Variants in CNTNAP2 observed in about 807,000 individuals in gnomAD.
CNTNAP2 encodes contactin associated protein 2.
In CNTNAP2, 98 loss-of-function variants were observed where a neutral mutation model predicts 155.2. The observed-to-expected ratio is 0.63, with a 90% confidence interval of 0.54 to 0.75. The LOEUF (loss-of-function observed/expected upper bound fraction) is 0.75. Among genes scored for constraint, CNTNAP2 ranks in the 30% least tolerant of loss-of-function variants. The pLI is 0.00. For missense variants in CNTNAP2, 1,727 were observed against 1,688.1 expected (o/e 1.02, Z -0.40); for synonymous variants, 651 against 631.2 (o/e 1.03, Z -0.47).
rs932967440 is a variant in CNTNAP2, at chr7:146,581,046, G to T, written c.98-193225G>T. On this transcript the variant is annotated intron_variant, in intron 1 of 23. Coordinates refer to ENST00000361727, the MANE Select transcript of CNTNAP2 (RefSeq NM_014141.6). Reference sequence around the variant, plus strand: ...ACAATATGACTGAATCATGATGAAGGCTAAAATTCTGGGTCTTAAGCAACT... The same window carrying T: ...ACAATATGACTGAATCATGATGAAGTCTAAAATTCTGGGTCTTAAGCAACT... Among the ~76,000 whole-genome samples, 3 of 152,058 alleles carry T rather than the reference G, an allele frequency of 2.0e-5. No individual in the cohort carries two copies. In the East Asian group the frequency reaches 5.8e-4, roughly 29 times the overall value.
intron 3 of CNTNAP2, among the ~76,000 whole-genome samples, chr7:146,982,719 C>G (rs895380741): frequency 6.6e-6 from 1 of 152,010 alleles, no homozygotes; most frequent in African/African-American, 2.4e-5. Context: ...TGATCAGACT[C>G]AGTGTTTCAT....
Position 147,180,108 on chromosome 7 carries a change from A to G in CNTNAP2, c.1348+47599A>G, listed in dbSNP as rs115104175. Among the ~76,000 whole-genome samples the G allele has an allele frequency of 3.2e-3, 493 of 152,258 alleles. 6 individuals are homozygous for G. The highest frequency in any genetic ancestry group is 0.011 in the African/African-American group (444 of 41,540). On this transcript the variant is annotated intron_variant, in intron 8 of 23. Coordinates refer to ENST00000361727, the MANE Select transcript of CNTNAP2 (RefSeq NM_014141.6). ...TGAAAGAGGGAGGCAGGTGCCATGG[A>G]CTAAGGGACCAGGAAGGTGCACACA...
At chr7:147,851,571 A>T (rs527619268) in intron 13 of CNTNAP2, among the ~76,000 whole-genome samples, 3 of 151,876 alleles carry the variant, frequency 2.0e-5, no homozygotes, top group Admixed American at 1.3e-4. Flanking sequence ...GCACATATAC[A>T]CCATGGAATA....
At chr7:147,559,178 A>G (rs1800011647) in intron 11 of CNTNAP2, among the ~76,000 whole-genome samples, 1 of 152,184 alleles carries the variant, frequency 6.6e-6, no homozygotes, top group Non-Finnish European at 1.5e-5. Context: ...GCCCGGCCTA[A>G]TTGTTAACTC....
chr7:146,241,566 T>C (rs776296389), intron 1 of CNTNAP2, among the ~76,000 whole-genome samples: 15 of 152,250 alleles, frequency 9.9e-5, no homozygotes, highest in Middle Eastern at 3.4e-3. Context: ...GCAAGACTTA[T>C]AATAACTCAT....
chr7:146,979,626 T>C (rs563889817), intron 3 of CNTNAP2, among the ~76,000 whole-genome samples: 3 of 152,318 alleles, frequency 2.0e-5, no homozygotes, highest in East Asian at 1.9e-4. Context: ...CAATCCTGTA[T>C]CTCCAACACT....
At chr7:147,050,266 A>T (rs558656430) in intron 4 of CNTNAP2, among the ~76,000 whole-genome samples, 23 of 152,220 alleles carry the variant, frequency 1.5e-4, no homozygotes, top group South Asian at 8.3e-4. Context: ...TCAAAAAATC[A>T]TTTATGGCTG....
At chr7:147,658,792 C>T (rs1342077434) in intron 13 of CNTNAP2, among the ~76,000 whole-genome samples, 1 of 152,190 alleles carries the variant, frequency 6.6e-6, no homozygotes, top group Non-Finnish European at 1.5e-5. Context: ...GCTTTCCCCT[C>T]CAGCTTCCCA....
chr7:146,567,296 T>C (rs905019836), intron 1 of CNTNAP2, among the ~76,000 whole-genome samples: 1 of 152,168 alleles, frequency 6.6e-6, no homozygotes, highest in Non-Finnish European at 1.5e-5. Flanking sequence ...ATATATGTTG[T>C]CCCTTTTTTT....
chr7:148,248,253 C>T (rs114348383), intron 20 of CNTNAP2, among the ~76,000 whole-genome samples: 25 of 151,444 alleles, frequency 1.7e-4, no homozygotes, highest in African/African-American at 5.6e-4. Context: ...GGCTGGAGTG[C>T]AATGGCACAG....
intron 10 of CNTNAP2, among the ~76,000 whole-genome samples, chr7:147,405,897 A>G (rs959732875): frequency 2.0e-5 from 3 of 152,152 alleles, no homozygotes; most frequent in African/African-American, 7.2e-5. Flanking sequence ...AGGCCGGTGG[A>G]TTGAACTACA....
intron 1 of CNTNAP2, among the ~76,000 whole-genome samples, chr7:146,118,869 A>G (rs1001814198): frequency 6.6e-6 from 1 of 152,074 alleles, no homozygotes; most frequent in Non-Finnish European, 1.5e-5. Flanking sequence ...AAAATGTGTA[A>G]TGGCTTAATT....
At chr7:146,870,853 T>C (rs1209374284) in intron 3 of CNTNAP2, among the ~76,000 whole-genome samples, 1 of 152,204 alleles carries the variant, frequency 6.6e-6, no homozygotes, top group Non-Finnish European at 1.5e-5. Context: ...TATAACTTTC[T>C]AAACAATTTA....
At position 147,529,774 on chromosome 7, in the gene CNTNAP2, T is replaced by C. The variant is rs746988480; in HGVS notation, c.1778-32364T>C. Among the ~76,000 whole-genome samples the C allele has an allele frequency of 2.6e-5, 4 of 152,312 alleles. No homozygotes were observed. The South Asian group carries it at 6.2e-4, about 24-fold the overall frequency. On this transcript the variant is annotated intron_variant, in intron 11 of 23. Coordinates refer to ENST00000361727, the MANE Select transcript of CNTNAP2 (RefSeq NM_014141.6). ...ATCATTAGAGATTTCAAAGGGGATA[T>C]GCATTTATCGCTATCAACAGAGCCG...
At chr7:146,219,367 T>TA (rs761105973) in intron 1 of CNTNAP2, among the ~76,000 whole-genome samples, 2 of 152,200 alleles carry the variant, frequency 1.3e-5, no homozygotes, top group Non-Finnish European at 2.9e-5. Context: ...ATTAATAACA[T>TA]AAAAATCTTT....
intron 8 of CNTNAP2, among the ~76,000 whole-genome samples, chr7:147,219,683 C>A (rs1803350092): frequency 6.6e-6 from 1 of 152,176 alleles, no homozygotes; most frequent in Non-Finnish European, 1.5e-5. Flanking sequence ...ATTTTGCATC[C>A]TTTAATCCAA....
At chr7:147,289,327 C>G (rs1024952052) in intron 8 of CNTNAP2, among the ~76,000 whole-genome samples, 1 of 151,930 alleles carries the variant, frequency 6.6e-6, no homozygotes, top group East Asian at 1.9e-4. Context: ...TGAATTAGAA[C>G]CCTCCTTGAA....
intron 3 of CNTNAP2, among the ~76,000 whole-genome samples, chr7:146,928,069 C>T (rs1250738209): frequency 6.6e-6 from 1 of 151,626 alleles, no homozygotes; most frequent in Non-Finnish European, 1.5e-5. Context: ...TTCTTCACTG[C>T]CTGGGCTGGC....
intron 1 of CNTNAP2, among the ~76,000 whole-genome samples, chr7:146,177,717 T>C (rs945198282): frequency 4.6e-5 from 7 of 152,224 alleles, no homozygotes; most frequent in African/African-American, 1.7e-4. Flanking sequence ...ATTCTATCTG[T>C]AACACAAGAA....
Sources: allele counts gnomAD v4.1 joint callset (sites outside exome capture counted in the v4.1 genomes callset), GRCh38; gene constraint gnomAD v4.1.1; transcripts MANE v1.5; gene names NCBI Gene and HGNC (gene_info 2026-07-23, HGNC 2026-07-21).